PTH2R: variants seen among roughly 807,000 people sequenced by gnomAD.
PTH2R encodes parathyroid hormone 2 receptor, also known as PTH2 receptor.
Under a neutral mutation model 60.3 loss-of-function variants are expected in PTH2R, and 59 were observed. The observed-to-expected ratio is 0.98, with a 90% CI of 0.79 to 1.22. The LOEUF is 1.22. PTH2R is among the 50% of genes most tolerant of loss of function. The pLI, the probability that PTH2R is intolerant of heterozygous loss-of-function variation, is 0.00. For missense variants in PTH2R, 749 were observed against 682.6 expected (o/e 1.10, Z -1.08); for synonymous variants, 256 against 243.8 (o/e 1.05, Z -0.47).
rs1461197202 is a variant in PTH2R at position 208,493,954 on chromosome 2, T to C, written c.*295T>C. ...TGCTACTTTTGGGTAGAAAAAAGAT[T>C]CAATTGCTTGGCTGTAGCTTTCTCT... is the stretch of plus-strand genomic sequence containing the variant. On this transcript the variant is annotated 3_prime_UTR_variant, in exon 13 of 13. Transcript: ENST00000272847. The C allele has an allele frequency of 4.0e-6, 1 of 252,118 alleles. No homozygotes were observed. The highest frequency in any genetic ancestry group is 7.5e-6 in the Non-Finnish European group (1 of 133,424). 15.6% of individuals were successfully genotyped at this position (252,118 alleles called of 1,614,324 possible).
At position 208,477,931 on chromosome 2, in the gene PTH2R, GCAC is replaced by G. The variant is rs1382313879; in HGVS notation, c.982-3138_982-3136del. Among the ~76,000 whole-genome samples, 9 of 144,476 alleles carry G rather than the reference GCAC, an allele frequency of 6.2e-5. No homozygotes were observed. The East Asian group carries it at 9.4e-4, about 15-fold the overall frequency. The allele number at this position is 144,476 out of a possible 152,430, so 94.8% of individuals were successfully genotyped here. The stretch of plus-strand genomic sequence containing the variant: ...AGTACTAGCACTACTACTAGTACTA[GCAC>G]TACTACTAGTAGTACTAGCACTACT... On this transcript the variant is annotated intron_variant, in intron 9 of 12. Coordinates refer to ENST00000272847, the MANE Select transcript of PTH2R (RefSeq NM_005048.4).
At chr2:208,366,747 G>C (rs371120816) in intron 1 of PTH2R, among the ~76,000 whole-genome samples, 9 of 152,266 alleles carry the variant, frequency 5.9e-5, no homozygotes, top group South Asian at 2.1e-4. Context: ...ATAAAGTTTA[G>C]CATGAAGCTG....
At chr2:208,419,206 T>G (rs945945628) in intron 1 of PTH2R, among the ~76,000 whole-genome samples, 3 of 152,266 alleles carry the variant, frequency 2.0e-5, no homozygotes, top group East Asian at 3.9e-4. Flanking sequence ...TTTTAATGAT[T>G]GCCATTCTAA....
At position 208,493,457 on chromosome 2, in the gene PTH2R, G is replaced by C; in HGVS notation, c.1451G>C (p.Arg484Thr). Residue 484 changes from arginine to threonine, a missense_variant, in exon 13 of 13, where the codon AGA becomes ACA. Coordinates refer to ENST00000272847, the MANE Select transcript of PTH2R (RefSeq NM_005048.4). The stretch of plus-strand genomic sequence containing the variant: ...GGCAAAGCTGCCAAGATCGCCAGCA[G>C]ACAGCCTGACAGCCACATCACTTTA... ...ISGKAAKIAS[R>T]QPDSHITLPG... 1 of 1,610,714 alleles carries C rather than the reference G, an allele frequency of 6.2e-7. No homozygotes were observed. The highest frequency in any genetic ancestry group is 8.5e-7 in the Non-Finnish European group (1 of 1,178,012).
intron 2 of PTH2R, among the ~76,000 whole-genome samples, chr2:208,435,410 G>A (rs76647533): frequency 0.046 from 7,006 of 152,208 alleles, 320 homozygotes; most frequent in African/African-American, 0.11. Context: ...TTAAAATGAG[G>A]GAGCTTATTC....
At chr2:208,385,977 A>C (rs1347514222) in intron 1 of PTH2R, among the ~76,000 whole-genome samples, 6 of 152,218 alleles carry the variant, frequency 3.9e-5, no homozygotes, top group Non-Finnish European at 5.9e-5. Context: ...GGCATTCATC[A>C]TCACCATATT....
chr2:208,469,507 C>G (rs1702833267), intron 9 of PTH2R, among the ~76,000 whole-genome samples: 1 of 152,070 alleles, frequency 6.6e-6, no homozygotes, highest in Admixed American at 6.5e-5. Flanking sequence ...TAAGTATGAG[C>G]AGTCAGGAGA....
At chr2:208,406,655 C>T (rs1191865997), upstream of PTH2R, among the ~76,000 whole-genome samples, 1 of 152,166 alleles carries the variant, frequency 6.6e-6, no homozygotes, top group Admixed American at 6.5e-5. Flanking sequence ...ATCCTTTGCC[C>T]TCCGCCCCCT....
intron 7 of PTH2R, among the ~76,000 whole-genome samples, chr2:208,445,282 T>C (rs1011691272): frequency 3.3e-5 from 5 of 152,234 alleles, no homozygotes; most frequent in Non-Finnish European, 7.3e-5. Flanking sequence ...TTTGTATTTC[T>C]AGGTCATATG....
upstream of PTH2R, among the ~76,000 whole-genome samples, chr2:208,406,076 T>G (rs1328281904): frequency 1.3e-5 from 2 of 152,152 alleles, no homozygotes; most frequent in Non-Finnish European, 2.9e-5. Context: ...TTGAGGAGAT[T>G]AAGACAAAGA....
chr2:208,474,525 C>T (rs920322864), intron 9 of PTH2R, among the ~76,000 whole-genome samples: 13 of 152,174 alleles, frequency 8.5e-5, no homozygotes, highest in East Asian at 5.8e-4. Flanking sequence ...ATAGGTAAAG[C>T]GCAGAGAAGG....
chr2:208,403,435 A>G (rs1451684299), upstream of PTH2R, among the ~76,000 whole-genome samples: 1 of 152,194 alleles, frequency 6.6e-6, no homozygotes, highest in African/African-American at 2.4e-5. Context: ...GAAAGACAAA[A>G]TGGAGGTACA....
At chr2:208,483,533 A>C (rs1340864607) in intron 10 of PTH2R, among the ~76,000 whole-genome samples, 1 of 152,206 alleles carries the variant, frequency 6.6e-6, no homozygotes, top group Non-Finnish European at 1.5e-5. Context: ...GCCTATCTTT[A>C]AAAATGGATA....
At chr2:208,445,013 C>G in intron 7 of PTH2R, 126 bp downstream of exon 7, 1 of 1,015,246 alleles carries the variant, frequency 9.8e-7, no homozygotes, top group Non-Finnish European at 1.4e-6. Flanking sequence ...TATTTTTTAT[C>G]TCCCTTTTAT....
chr2:208,455,056 C>T (rs1391277359), intron 8 of PTH2R, among the ~76,000 whole-genome samples: 3 of 152,174 alleles, frequency 2.0e-5, no homozygotes, highest in Non-Finnish European at 4.4e-5. Context: ...AACTTGCTGG[C>T]TTTGCATTTT....
chr2:208,373,085 C>CAAAT (rs953287312), intron 1 of PTH2R, among the ~76,000 whole-genome samples: 11 of 151,842 alleles, frequency 7.2e-5, no homozygotes, highest in African/African-American at 1.5e-4. Flanking sequence ...GACCCCGTCT[C>CAAAT]AAATAAATAA....
chr2:208,431,069 A>G (rs1701962028), intron 2 of PTH2R, among the ~76,000 whole-genome samples: 1 of 152,056 alleles, frequency 6.6e-6, no homozygotes, highest in South Asian at 2.1e-4. Flanking sequence ...CAAATATGGG[A>G]CCTACTCATA....
chr2:208,412,149 G>T (rs544448007), intron 1 of PTH2R, among the ~76,000 whole-genome samples: 6 of 152,150 alleles, frequency 3.9e-5, no homozygotes, highest in Admixed American at 1.3e-4. Flanking sequence ...AACACTGATA[G>T]CTGTTATAAT....
At chr2:208,434,703 T>C (rs868399994) in intron 2 of PTH2R, among the ~76,000 whole-genome samples, 5 of 152,130 alleles carry the variant, frequency 3.3e-5, no homozygotes, top group Admixed American at 2.6e-4. Context: ...ACTGGGCACA[T>C]ATCGACTGGA....
Sources: allele counts gnomAD v4.1 joint callset (sites outside exome capture counted in the v4.1 genomes callset), GRCh38; gene constraint gnomAD v4.1.1; transcripts MANE v1.5; gene names NCBI Gene and HGNC (gene_info 2026-07-23, HGNC 2026-07-21).